Variants in INPP5B observed in about 807,000 individuals in gnomAD.
INPP5B encodes the protein inositol polyphosphate-5-phosphatase B, also known as type II inositol 1,4,5-trisphosphate 5-phosphatase.
A neutral mutation model predicts 118.5 loss-of-function variants in INPP5B; 90 were observed. The ratio of observed to expected loss-of-function variants is 0.76; its 90% CI spans 0.64 to 0.90. The LOEUF is 0.90. Ranked by LOEUF, INPP5B falls within the 40% of genes least tolerant of loss-of-function variation. INPP5B has a pLI of 0.00. For missense variants in INPP5B, 984 were observed against 1,125.6 expected, an observed-to-expected ratio of 0.87 and a Z score of 1.80; for synonymous variants, 385 against 418.9, an observed-to-expected ratio of 0.92 and a Z score of 0.99.
At position 37,935,866 on chromosome 1, in the gene INPP5B, AC is replaced by A. The variant is rs1235921190; in HGVS notation, c.392-3814del. Reference sequence around the variant, plus strand: ...CGGATCACGAGGTCAGGAGATCCAGACCATTCTGGCTAACATGGTGAAACCC... The same window carrying A: ...CGGATCACGAGGTCAGGAGATCCAGACATTCTGGCTAACATGGTGAAACCC... On this transcript the variant is annotated intron_variant, in intron 6 of 23. Coordinates refer to ENST00000373024, the MANE Select transcript of INPP5B (RefSeq NM_005540.3). Among the ~76,000 whole-genome samples, 5 of 152,034 alleles carry A rather than the reference AC, an allele frequency of 3.3e-5. No individual in the cohort carries two copies. In the East Asian group the frequency reaches 9.8e-4, roughly 30 times the overall value.
chr1:37,908,743 G>A (rs770835161), intron 7 of INPP5B, among the ~76,000 whole-genome samples: 4 of 152,124 alleles, frequency 2.6e-5, no homozygotes, highest in South Asian at 2.1e-4. Context: ...TGATCACTGC[G>A]GGGACACCTG....
rs760077684 is a variant in INPP5B at position 37,882,922 on chromosome 1, T to C, written c.1320-4A>G. 1.1e-5 allele frequency: 18 copies of C among 1,613,978 alleles called. No individual in the cohort carries two copies. Among genetic ancestry groups the C allele is most frequent in the Non-Finnish European group, 1.4e-5 (17 of 1,179,974 alleles). On this transcript the variant is annotated splice_region_variant and splice_polypyrimidine_tract_variant and intron_variant, in intron 13 of 23. Transcript: ENST00000373024. ...GTCCCCCAGCCACAAGATCACACTGTGAGGACAGAGCACAAAGGTAACAGG... is the reference window on the plus strand; with the variant it reads ...GTCCCCCAGCCACAAGATCACACTGCGAGGACAGAGCACAAAGGTAACAGG...
chr1:37,946,311 T>C lies in INPP5B; in HGVS notation c.-3A>G. ...TGGATTGCCACAGACTGGTCCATGC[T>C]GGCCCCTGCTGAGCGCACACACCCT... On this transcript the variant is annotated 5_prime_UTR_variant, in exon 2 of 24. Transcript: ENST00000373024. 6.2e-7 allele frequency: 1 copy of C among 1,610,884 alleles called. No homozygotes were observed. The highest frequency in any genetic ancestry group is 1.1e-5 in the South Asian group (1 of 90,242).
intron 23 of INPP5B, among the ~76,000 whole-genome samples, chr1:37,863,153 T>TCTGGCTCCCA (rs1641803494): frequency 1.3e-5 from 2 of 151,138 alleles, no homozygotes; most frequent in South Asian, 4.2e-4. Context: ...TGGGTGACCA[T>TCTGGCTCCCA]CTGGCTCCCA....
intron 7 of INPP5B, among the ~76,000 whole-genome samples, chr1:37,926,487 T>A (rs1458195538): frequency 1.3e-5 from 2 of 152,166 alleles, no homozygotes; most frequent in Non-Finnish European, 2.9e-5. Context: ...TTTCACCACG[T>A]TGGCCAGGAT....
At chr1:37,863,341 C>A (rs1557610143) in intron 23 of INPP5B, among the ~76,000 whole-genome samples, 1 of 151,836 alleles carries the variant, frequency 6.6e-6, no homozygotes, top group Non-Finnish European at 1.5e-5. Flanking sequence ...ATGGTAAAAC[C>A]CTGTCTCTAA....
At chr1:37,886,055 G>T (rs970514789) in intron 12 of INPP5B, among the ~76,000 whole-genome samples, 1 of 151,972 alleles carries the variant, frequency 6.6e-6, no homozygotes, top group Non-Finnish European at 1.5e-5. Flanking sequence ...GCAGGCGCCT[G>T]TCATCCCAGC....
chr1:37,921,913 TC>T (rs1570312910), intron 7 of INPP5B, among the ~76,000 whole-genome samples: 1 of 152,072 alleles, frequency 6.6e-6, no homozygotes, highest in Non-Finnish European at 1.5e-5. Context: ...GCGCCTGTAA[TC>T]CCAGCTACTC....
chr1:37,914,551 C>T (rs1644804958), intron 7 of INPP5B, among the ~76,000 whole-genome samples: 1 of 152,182 alleles, frequency 6.6e-6, no homozygotes, highest in Non-Finnish European at 1.5e-5. Context: ...TTTTCACACA[C>T]TGCCTATTCA....
intron 6 of INPP5B, 147 bp downstream of exon 6, chr1:37,940,541 C>G (rs1645873226): frequency 8.5e-6 from 5 of 589,018 alleles, no homozygotes; most frequent in Non-Finnish European, 1.5e-5. Flanking sequence ...TGGCTGGCAG[C>G]CTGGGGGCAC....
intron 7 of INPP5B, among the ~76,000 whole-genome samples, chr1:37,908,296 GC>G (rs1644567118): frequency 6.6e-6 from 1 of 152,096 alleles, no homozygotes; most frequent in African/African-American, 2.4e-5. Context: ...AGACCAACCA[GC>G]CCAAGGAACA....
In INPP5B at chr1:37,862,414, G is replaced by A; in HGVS notation, c.2643C>T (p.Ser881=). The part of the protein sequence containing the change: ...DENILASIFG[S]LLLRNPAGHQ... Reference sequence around the variant, plus strand: ...GACCAGCTGGGTTTCGAAGCAATAAGCTGCCAAATATGCTAGCTGCAAGAA... The same window carrying A: ...GACCAGCTGGGTTTCGAAGCAATAAACTGCCAAATATGCTAGCTGCAAGAA... Residue 881 remains serine (S), a synonymous_variant, in exon 24 of 24, where the codon AGC becomes AGT. Coordinates refer to ENST00000373024, the MANE Select transcript of INPP5B (RefSeq NM_005540.3). 6.2e-7 allele frequency: 1 copy of A among 1,611,782 alleles called. No homozygotes were observed.
chr1:37,868,718 G>T (rs1263336337), intron 19 of INPP5B, 104 bp from the exon 20 acceptor site: 2 of 730,660 alleles, frequency 2.7e-6, no homozygotes, highest in Non-Finnish European at 5.0e-6. Context: ...ACATTCCACT[G>T]CCCCTAACCA....
At chr1:37,890,938 C>T (rs1293981661) in intron 8 of INPP5B, among the ~76,000 whole-genome samples, 1 of 152,094 alleles carries the variant, frequency 6.6e-6, no homozygotes, top group Non-Finnish European at 1.5e-5. Flanking sequence ...TTATTAAGAA[C>T]ATTTCCAGCC....
intron 7 of INPP5B, among the ~76,000 whole-genome samples, chr1:37,902,650 C>G (rs1172094970): frequency 6.6e-6 from 1 of 152,016 alleles, no homozygotes; most frequent in Non-Finnish European, 1.5e-5. Flanking sequence ...CTCCACCTCC[C>G]GGGTTCAAAC....
Position 37,889,601 on chromosome 1 carries a change from A to G in INPP5B, c.753T>C (p.His251=), listed in dbSNP as rs759219879. The G allele has an allele frequency of 6.2e-7, 1 of 1,614,024 alleles. No homozygotes were observed. Among genetic ancestry groups the G allele is most frequent in the South Asian group, 1.1e-5 (1 of 91,050 alleles). The change falls in exon 9 of 24, where the codon CAT becomes CAC. Residue 251 remains histidine, a synonymous_variant. Coordinates refer to ENST00000373024, the MANE Select transcript of INPP5B (RefSeq NM_005540.3). ...TGTAATCCTCTTCTTTCTGTAGTAG[A>G]TGTGATTTCACAATTGTATCTCGCA... The part of the protein sequence containing the change: ...FGLRDTIVKS[H]LLQKEEDYTY...
At chr1:37,924,013 G>T (rs190216923) in intron 7 of INPP5B, among the ~76,000 whole-genome samples, 1 of 151,744 alleles carries the variant, frequency 6.6e-6, no homozygotes, top group Admixed American at 6.6e-5. Flanking sequence ...CCTGACCTCA[G>T]GTGATCCACC....
At position 37,940,700 on chromosome 1, in the gene INPP5B, T is replaced by C. The variant is rs748674267; in HGVS notation, c.379A>G (p.Arg127Gly). The C allele has an allele frequency of 1.2e-6, 2 of 1,612,900 alleles. No homozygotes were observed. The highest frequency in any genetic ancestry group is 1.7e-6 in the Non-Finnish European group (2 of 1,178,936). ...QTRMFLHEVA[R>G]ACPGFDSATR... is the part of the protein sequence containing the mutation. ...GGGTCTTACCTACCTGGACAGGCCCTGGCAACTTCGTGGAGGAACATCCTG... is the reference window on the plus strand; with the variant it reads ...GGGTCTTACCTACCTGGACAGGCCCCGGCAACTTCGTGGAGGAACATCCTG... The change falls in exon 6 of 24, where the codon AGG (arginine) becomes GGG (glycine). Residue 127 changes from arginine (R) to glycine (G), a missense_variant. Arg to Gly is a moderately radical substitution (Grantham distance 125, BLOSUM62 -2). This residue lies in a region of INPP5B where 350 missense variants were observed against 334.6 expected (regional missense o/e 1.05). Transcript: ENST00000373024.
At chr1:37,885,286 C>T (rs1209166080) in intron 13 of INPP5B, among the ~76,000 whole-genome samples, 1 of 151,940 alleles carries the variant, frequency 6.6e-6, no homozygotes, top group Non-Finnish European at 1.5e-5. Flanking sequence ...TGGTGGCAGG[C>T]GCCTGTAGTC....
Sources: allele counts gnomAD v4.1 joint callset (sites outside exome capture counted in the v4.1 genomes callset), GRCh38; gene constraint gnomAD v4.1.1; regional missense constraint gnomAD v4.1.1; transcripts MANE v1.5; gene names NCBI Gene and HGNC (gene_info 2026-07-23, HGNC 2026-07-21).